SUCO: variants seen among roughly 807,000 people sequenced by gnomAD.
The protein encoded by SUCO is SUN domain containing ossification factor, also known as SUN domain-containing ossification factor.
Under a neutral mutation model 148.1 loss-of-function variants are expected in SUCO, and 57 were observed. The ratio of observed to expected loss-of-function variants is 0.38; its 90% CI spans 0.31 to 0.48. The LOEUF is 0.48. Ranked by LOEUF, SUCO falls within the 20% of genes least tolerant of loss-of-function variation. The pLI is 0.96. For synonymous variants in SUCO, 470 were observed against 502.7 expected, an observed-to-expected ratio of 0.93 and a Z score of 0.87; for missense variants, 1,331 against 1,468.2, an observed-to-expected ratio of 0.91 and a Z score of 1.53.
intron 22 of SUCO, among the ~76,000 whole-genome samples, chr1:172,605,530 T>G (rs1657816292): frequency 1.3e-5 from 2 of 151,870 alleles, no homozygotes; most frequent in Admixed American, 1.3e-4. Flanking sequence ...TGTCTGTGTT[T>G]ATGCCAGTAC....
In SUCO at chr1:172,551,593, A is replaced by G; in HGVS notation, c.144A>G (p.Ala48=). 2 of 1,608,720 alleles carry G rather than the reference A, an allele frequency of 1.2e-6. No homozygotes were observed. The highest frequency in any genetic ancestry group is 8.5e-7 in the Non-Finnish European group (1 of 1,177,098). The change falls in exon 2 of 24, where the codon GCA becomes GCG. Residue 48 remains alanine, a synonymous_variant. Transcript: ENST00000263688. The part of the protein sequence containing the change: ...SSYYSQDDNC[A]LENEDVQFQK... Reference sequence around the variant, plus strand: ...ATTACTCTCAAGATGACAACTGCGCACTAGAAAATGAAGATGTACAATTCC... The same window carrying G: ...ATTACTCTCAAGATGACAACTGCGCGCTAGAAAATGAAGATGTACAATTCC...
chr1:172,571,472 G>A (rs1255476248), intron 9 of SUCO, among the ~76,000 whole-genome samples: 1 of 151,744 alleles, frequency 6.6e-6, no homozygotes, highest in African/African-American at 2.4e-5. Flanking sequence ...GCCTGTGCCC[G>A]GCCGCCACCC....
At position 172,593,120 on chromosome 1, in the gene SUCO, A is replaced by G. The variant is rs1656798561; in HGVS notation, c.2913+2049A>G. 1.3e-5 allele frequency among the ~76,000 whole-genome samples: 2 copies of G among 152,152 alleles called. 1 individual carries two copies. The highest frequency in any genetic ancestry group is 4.1e-4 in the South Asian group (2 of 4,830). On this transcript the variant is annotated intron_variant, in intron 19 of 23. Coordinates refer to ENST00000263688, the MANE Select transcript of SUCO (RefSeq NM_014283.5). ...GAATGCTTGTGATTTTTGCACATTG[A>G]TTTTATATCCTGAGACTTTGCTGAA...
At chr1:172,538,952 G>A (rs187769606) in intron 1 of SUCO, among the ~76,000 whole-genome samples, 59 of 152,304 alleles carry the variant, frequency 3.9e-4, no homozygotes, top group African/African-American at 1.3e-3. Context: ...GGCAAATGAC[G>A]TGTTTCATGT....
intron 6 of SUCO, among the ~76,000 whole-genome samples, chr1:172,558,995 C>T (rs912139712): frequency 4.6e-5 from 7 of 151,946 alleles, no homozygotes; most frequent in Non-Finnish European, 1.0e-4. Flanking sequence ...AATTAGTATC[C>T]CAGAAAAATC....
At chr1:172,598,118 A>G (rs894808491) in intron 19 of SUCO, among the ~76,000 whole-genome samples, 1 of 152,204 alleles carries the variant, frequency 6.6e-6, no homozygotes, top group Non-Finnish European at 1.5e-5. Flanking sequence ...GTTACAGGGT[A>G]TGGATCAAAG....
chr1:172,551,885 A>G, intron 2 of SUCO: 1 of 253,678 alleles, frequency 3.9e-6, no homozygotes, highest in Middle Eastern at 1.2e-3. Flanking sequence ...CAGAGAGCTG[A>G]AAATGAGTGA....
intron 1 of SUCO, chr1:172,542,787 G>A (rs762478260): frequency 2.1e-5 from 21 of 985,296 alleles, no homozygotes; most frequent in Non-Finnish European, 2.5e-5. Flanking sequence ...AAGGTGCCAA[G>A]CATAGTAAAG....
intron 6 of SUCO, among the ~76,000 whole-genome samples, chr1:172,560,288 C>A (rs979222998): frequency 2.0e-5 from 3 of 152,146 alleles, no homozygotes; most frequent in Admixed American, 6.5e-5. Flanking sequence ...TGATAGTTGA[C>A]CAGCTGTAGT....
chr1:172,533,063 G>C, upstream of SUCO: 2 of 1,429,238 alleles, frequency 1.4e-6, no homozygotes, highest in South Asian at 1.5e-5. Context: ...TCGCGGCCCC[G>C]CCGGCGATTG....
At chr1:172,559,439 C>T (rs969897222) in intron 6 of SUCO, among the ~76,000 whole-genome samples, 2 of 152,138 alleles carry the variant, frequency 1.3e-5, no homozygotes, top group African/African-American at 4.8e-5. Flanking sequence ...GACAGGCAAG[C>T]CCCAAAATTA....
rs555688002 is a variant in SUCO, at chr1:172,573,725, T to G, written c.1050-166T>G. ...CCCACTAATGGTATCCTTTGGGAAGTATTTAAAGATGCTTCTTATAGACAA... is the reference window on the plus strand; with the variant it reads ...CCCACTAATGGTATCCTTTGGGAAGGATTTAAAGATGCTTCTTATAGACAA... On this transcript the variant is annotated intron_variant, in intron 9 of 23. Coordinates refer to ENST00000263688, the MANE Select transcript of SUCO (RefSeq NM_014283.5). 3.3e-5 allele frequency among the ~76,000 whole-genome samples: 5 copies of G among 152,274 alleles called. 1 individual carries two copies. Among genetic ancestry groups the G allele is most frequent in the African/African-American group, 1.2e-4 (5 of 41,574 alleles).
intron 22 of SUCO, 123 bp downstream of exon 22, chr1:172,602,910 C>G: frequency 1.2e-6 from 1 of 808,890 alleles, no homozygotes; most frequent in Non-Finnish European, 2.0e-6. Flanking sequence ...TAGCCTTTGT[C>G]TTTGTGCTGT....
At chr1:172,539,570 G>A (rs1652286627) in intron 1 of SUCO, among the ~76,000 whole-genome samples, 1 of 152,122 alleles carries the variant, frequency 6.6e-6, no homozygotes, top group South Asian at 2.1e-4. Flanking sequence ...TTACATGAAA[G>A]TGACACCTGG....
At chr1:172,550,373 G>T (rs1209836155) in intron 1 of SUCO, among the ~76,000 whole-genome samples, 1 of 151,906 alleles carries the variant, frequency 6.6e-6, no homozygotes, top group African/African-American at 2.4e-5. Flanking sequence ...TTTCTATCTG[G>T]ACACGTTATT....
At chr1:172,580,810 C>T (rs1655824160) in intron 15 of SUCO, among the ~76,000 whole-genome samples, 1 of 152,104 alleles carries the variant, frequency 6.6e-6, no homozygotes, top group Admixed American at 6.6e-5. Context: ...GCCATTAAAA[C>T]CTAACCATAG....
chr1:172,553,399 A>G, intron 3 of SUCO, 29 bp downstream of exon 3: 4 of 1,478,850 alleles, frequency 2.7e-6, no homozygotes, highest in Non-Finnish European at 3.7e-6. Context: ...ATTTTCAATA[A>G]TATGTCATTT....
In SUCO at chr1:172,545,802, A is replaced by G. The variant is rs945650072; in HGVS notation, c.63-5710A>G. Among the ~76,000 whole-genome samples, 3 of 152,240 alleles carry G rather than the reference A, an allele frequency of 2.0e-5. No individual in the cohort carries two copies. In the East Asian group the frequency reaches 5.8e-4, roughly 29 times the overall value. On this transcript the variant is annotated intron_variant, in intron 1 of 23. Transcript: ENST00000263688. Reference sequence around the variant, plus strand: ...CTGTGCCAGGCTAAGCATAGCATATACATTTATTTCAGTTCCTCCTAATAA... The same window carrying G: ...CTGTGCCAGGCTAAGCATAGCATATGCATTTATTTCAGTTCCTCCTAATAA...
intron 1 of SUCO, among the ~76,000 whole-genome samples, chr1:172,544,655 A>C (rs1045649605): frequency 6.6e-6 from 1 of 152,220 alleles, no homozygotes. Context: ...GAGACAGCAC[A>C]GTCTGTGTTC....
Sources: gnomAD v4.1 joint callset for allele counts (sites outside exome capture counted in the v4.1 genomes callset) on GRCh38, gnomAD v4.1.1 for gene constraint, MANE v1.5 for transcripts, NCBI Gene and HGNC (gene_info 2026-07-23, HGNC 2026-07-21) for gene names.